CIMIP7: variants seen among roughly 807,000 people sequenced by gnomAD.
The protein encoded by CIMIP7 is ciliary microtubule inner protein 7, also known as uncharacterized protein C3orf84.
At chr3:49,185,689 C>A in the CIMIP7 span, among the ~76,000 whole-genome samples, 4 of 143,138 alleles carry the variant, frequency 2.8e-5, no homozygotes, top group African/African-American at 1.0e-4. Context: ...AATTTTAAAG[C>A]TTTTTTTTTT....
chr3:49,191,092 A>G, the CIMIP7 span, among the ~76,000 whole-genome samples: 34 of 152,000 alleles, frequency 2.2e-4, 1 homozygote, highest in South Asian at 6.7e-3. Flanking sequence ...ATGTCTGGGA[A>G]CTCCTATGGC....
the CIMIP7 span, chr3:49,191,756 C>A: frequency 6.3e-7 from 1 of 1,577,682 alleles, no homozygotes; most frequent in Non-Finnish European, 8.6e-7. Context: ...CAGGAGCCTA[C>A]TAAAGCACTT....
At chr3:49,182,207 G>T in the CIMIP7 span, among the ~76,000 whole-genome samples, 1 of 152,224 alleles carries the variant, frequency 6.6e-6, no homozygotes. Context: ...GGACCAAAGC[G>T]GGTTGCCACT....
the CIMIP7 span, chr3:49,177,949 C>T: frequency 9.9e-6 from 16 of 1,613,576 alleles, no homozygotes; most frequent in East Asian, 2.2e-5. Context: ...CCCCTGCTGG[C>T]GCAACTCTAT....
the CIMIP7 span, among the ~76,000 whole-genome samples, chr3:49,181,036 T>G: frequency 6.6e-6 from 1 of 151,264 alleles, no homozygotes; most frequent in Admixed American, 6.6e-5. Context: ...GTGGGAAGCT[T>G]TCATTCCTCA....
chr3:49,180,301 C>T, the CIMIP7 span, among the ~76,000 whole-genome samples: 12 of 152,154 alleles, frequency 7.9e-5, no homozygotes, highest in South Asian at 2.1e-4. Context: ...GTCCTGGCCC[C>T]AGGGCATTTA....
At chr3:49,180,036 G>A in the CIMIP7 span, among the ~76,000 whole-genome samples, 1 of 152,212 alleles carries the variant, frequency 6.6e-6, no homozygotes, top group Admixed American at 6.5e-5. Flanking sequence ...ACTTTGGGAG[G>A]CCGAGGCGGA....
chr3:49,188,444 G>A, the CIMIP7 span, among the ~76,000 whole-genome samples: 1 of 152,142 alleles, frequency 6.6e-6, no homozygotes, highest in Non-Finnish European at 1.5e-5. Flanking sequence ...GGCTCCCTTT[G>A]TTCTGGCCAC....
chr3:49,187,299 G>A, the CIMIP7 span, among the ~76,000 whole-genome samples: 57 of 152,324 alleles, frequency 3.7e-4, no homozygotes, highest in Admixed American at 3.7e-3. Flanking sequence ...CATGGTTTCT[G>A]AGCAGGTAGA....
chr3:49,185,994 T>C, the CIMIP7 span, among the ~76,000 whole-genome samples: 1 of 149,612 alleles, frequency 6.7e-6, no homozygotes, highest in Admixed American at 6.7e-5. Context: ...TATAATTTTA[T>C]AGCTCTTTTT....
the CIMIP7 span, among the ~76,000 whole-genome samples, chr3:49,188,336 G>A: frequency 6.6e-6 from 1 of 152,232 alleles, no homozygotes; most frequent in South Asian, 2.1e-4. Flanking sequence ...AGAAGGTGCA[G>A]TGGGTGGTAC....
At chr3:49,189,069 A>C in the CIMIP7 span, among the ~76,000 whole-genome samples, 2 of 151,468 alleles carry the variant, frequency 1.3e-5, no homozygotes, top group African/African-American at 2.4e-5. Flanking sequence ...TCCTGGGTTC[A>C]AGCCATTCTC....
the CIMIP7 span, among the ~76,000 whole-genome samples, chr3:49,179,833 T>C: frequency 6.6e-6 from 1 of 152,224 alleles, no homozygotes; most frequent in Admixed American, 6.5e-5. Context: ...GCTCAATAAA[T>C]GTTGCTGTTA....
At chr3:49,182,985 C>G in the CIMIP7 span, among the ~76,000 whole-genome samples, 1 of 152,194 alleles carries the variant, frequency 6.6e-6, no homozygotes, top group Non-Finnish European at 1.5e-5. Context: ...CCCAGTTCCC[C>G]CTCTGGCCTC....
At chr3:49,181,983 A>C in the CIMIP7 span, among the ~76,000 whole-genome samples, 3 of 152,060 alleles carry the variant, frequency 2.0e-5, no homozygotes, top group Admixed American at 1.3e-4. Flanking sequence ...GTGAAGCTGC[A>C]GACCTCCGCG....
the CIMIP7 span, among the ~76,000 whole-genome samples, chr3:49,187,800 G>C: frequency 1.3e-5 from 2 of 152,194 alleles, no homozygotes; most frequent in Non-Finnish European, 2.9e-5. Flanking sequence ...TCTCTGAGCA[G>C]TCCTATTAAT....
the CIMIP7 span, among the ~76,000 whole-genome samples, chr3:49,184,743 C>T: frequency 6.6e-6 from 1 of 151,676 alleles, no homozygotes; most frequent in African/African-American, 2.4e-5. Flanking sequence ...CTTCTCCTGC[C>T]TCAGCCTCCC....
chr3:49,178,684 G>A, the CIMIP7 span: 45 of 656,024 alleles, frequency 6.9e-5, no homozygotes, highest in African/African-American at 7.3e-4. Context: ...ACAGACAGAG[G>A]GCAGAGACTA....
chr3:49,188,845 T>C, the CIMIP7 span, among the ~76,000 whole-genome samples: 2 of 152,204 alleles, frequency 1.3e-5, no homozygotes, highest in Non-Finnish European at 2.9e-5. Context: ...TCACCCAGGC[T>C]GGAGTGTGGT....
Sources: gnomAD v4.1 joint callset for allele counts (sites outside exome capture counted in the v4.1 genomes callset) on GRCh38, gnomAD v4.1.1 for gene constraint, MANE v1.5 for transcripts, NCBI Gene and HGNC (gene_info 2026-07-23, HGNC 2026-07-21) for gene names.